KIF18A: variants seen among roughly 807,000 people sequenced by gnomAD.
The protein encoded by KIF18A is kinesin-like protein KIF18A.
A neutral mutation model predicts 103.3 loss-of-function variants in KIF18A; 67 were observed. That is an observed-to-expected ratio of 0.65 (90% CI 0.53 to 0.79). The LOEUF (loss-of-function observed/expected upper bound fraction) is 0.79, where lower values mean the gene tolerates loss of function less well. Among genes scored for constraint, KIF18A ranks in the 30% least tolerant of loss-of-function variants. KIF18A has a pLI of 0.00. For missense variants in KIF18A, 1,032 were observed against 1,062.5 expected, an observed-to-expected ratio of 0.97 and a Z score of 0.40; for synonymous variants, 367 against 355.5, an observed-to-expected ratio of 1.03 and a Z score of -0.36.
intron 14 of KIF18A, among the ~76,000 whole-genome samples, chr11:28,035,958 G>A (rs1199613383): frequency 6.6e-6 from 1 of 151,504 alleles, no homozygotes; most frequent in African/African-American, 2.4e-5. Context: ...CACCTTCAGA[G>A]TAAGAAGAAC....
rs530439078 is a variant in KIF18A at position 28,105,024 on chromosome 11, A to G, written c.-47+3040T>C. ...GGTCTAGGTATTTTTATTTCAAAACAGACAAACAACAACAACAAAACCACT... is the reference window on the plus strand; with the variant it reads ...GGTCTAGGTATTTTTATTTCAAAACGGACAAACAACAACAACAAAACCACT... On this transcript the variant is annotated intron_variant, in intron 1 of 16. Transcript: ENST00000263181. Among the ~76,000 whole-genome samples the G allele has an allele frequency of 7.9e-5, 12 of 151,996 alleles. No homozygotes were observed. The South Asian group carries it at 1.9e-3, about 24-fold the overall frequency.
chr11:28,091,681 T>C (rs1312788881), intron 3 of KIF18A, among the ~76,000 whole-genome samples, 168 bp from the exon 4 acceptor site: 1 of 152,202 alleles, frequency 6.6e-6, no homozygotes, highest in Non-Finnish European at 1.5e-5. Context: ...TAATTTTCTA[T>C]CATTCCAGAA....
At chr11:28,021,627 A>AT (rs1423215074) in intron 16 of KIF18A, among the ~76,000 whole-genome samples, 2 of 152,016 alleles carry the variant, frequency 1.3e-5, no homozygotes, top group Non-Finnish European at 2.9e-5. Context: ...TTGTATCACC[A>AT]TTTTTTCTCA....
At chr11:28,061,299 C>G (rs1320764856) in intron 12 of KIF18A, among the ~76,000 whole-genome samples, 2 of 152,066 alleles carry the variant, frequency 1.3e-5, no homozygotes, top group Non-Finnish European at 2.9e-5. Flanking sequence ...GGTTATATTG[C>G]TCATATAAGC....
intron 13 of KIF18A, among the ~76,000 whole-genome samples, chr11:28,050,357 G>A (rs1292183629): frequency 6.6e-6 from 1 of 151,752 alleles, no homozygotes. Flanking sequence ...ATTAAATTTT[G>A]TTGCCAAATG....
chr11:28,071,589 G>T (rs1205904025), intron 10 of KIF18A, among the ~76,000 whole-genome samples: 1 of 150,780 alleles, frequency 6.6e-6, no homozygotes, highest in East Asian at 1.9e-4. Context: ...TTATAAATCT[G>T]TTTTAATTTC....
At chr11:28,046,017 T>G (rs1850628127) in intron 13 of KIF18A, among the ~76,000 whole-genome samples, 1 of 151,498 alleles carries the variant, frequency 6.6e-6, no homozygotes, top group East Asian at 1.9e-4. Flanking sequence ...CCAGTTAGAA[T>G]GGCAATCATT....
At chr11:28,096,681 T>C (rs1444301402) in intron 2 of KIF18A, among the ~76,000 whole-genome samples, 2 of 152,152 alleles carry the variant, frequency 1.3e-5, no homozygotes, top group African/African-American at 4.8e-5. Context: ...CCTTACTTGA[T>C]CAAGAGGGTA....
intron 13 of KIF18A, among the ~76,000 whole-genome samples, chr11:28,044,483 T>A (rs191372634): frequency 3.7e-4 from 57 of 152,212 alleles, no homozygotes; most frequent in Middle Eastern, 6.8e-3. Flanking sequence ...CAAACATTTT[T>A]AAAATATTTA....
rs756186475 is a variant in KIF18A at position 28,069,270 on chromosome 11, G to A, written c.1579C>T (p.His527Tyr). The A allele has an allele frequency of 2.5e-6, 4 of 1,612,246 alleles. No homozygotes were observed. Among genetic ancestry groups the A allele is most frequent in the South Asian group, 1.1e-5 (1 of 90,994 alleles). The change falls in exon 11 of 17, where the codon CAT (histidine) becomes TAT (tyrosine). Residue 527 changes from histidine to tyrosine, a missense_variant. His to Tyr is a moderately conservative substitution (Grantham distance 83). Transcript: ENST00000263181. ...AGAGATATTTGTACCTTTGGAATAT[G>A]ACCGTTTTGACTTAAGAGTCCCATT... ...KEMGLLSQNG[H>Y]IPKELKKDLH...
At chr11:28,074,352 T>C (rs553822213) in intron 10 of KIF18A, among the ~76,000 whole-genome samples, 2 of 152,194 alleles carry the variant, frequency 1.3e-5, no homozygotes, top group Non-Finnish European at 1.5e-5. Context: ...TCAAAGAATA[T>C]TGGCAACAAT....
intron 1 of KIF18A, among the ~76,000 whole-genome samples, chr11:28,106,299 C>G (rs1442703109): frequency 1.3e-5 from 2 of 152,168 alleles, no homozygotes; most frequent in African/African-American, 4.8e-5. Flanking sequence ...AGTAGAGTGA[C>G]AGTTATGATA....
At chr11:28,025,423 A>T (rs1274617970) in intron 15 of KIF18A, among the ~76,000 whole-genome samples, 1 of 151,936 alleles carries the variant, frequency 6.6e-6, no homozygotes, top group Non-Finnish European at 1.5e-5. Flanking sequence ...TTGATAAAAC[A>T]TTGTTTTTTC....
chr11:28,028,842 G>A (rs1850356604), intron 15 of KIF18A, among the ~76,000 whole-genome samples: 1 of 151,888 alleles, frequency 6.6e-6, no homozygotes, highest in South Asian at 2.1e-4. Context: ...AAAGATAAAG[G>A]GGATATCACC....
Position 28,036,538 on chromosome 11 carries a change from A to AAAT in KIF18A, c.2074_2075insATT (p.Leu692delinsHisPhe). On this transcript the variant is annotated protein_altering_variant, in exon 14 of 17. Transcript: ENST00000263181. ...AAGTTCTTTGCTAAGAGAATCATTG[A>AAAT]GCTGCACACTTTGAGATGGTGGAGA... 1 of 1,611,256 alleles carries AAAT rather than the reference A, an allele frequency of 6.2e-7. No individual in the cohort carries two copies. The highest frequency in any genetic ancestry group is 8.5e-7 in the Non-Finnish European group (1 of 1,178,234).
chr11:28,105,401 C>CT (rs1228425980), intron 1 of KIF18A, among the ~76,000 whole-genome samples: 8 of 152,010 alleles, frequency 5.3e-5, no homozygotes, highest in Admixed American at 5.2e-4. Flanking sequence ...ATATTGCTTA[C>CT]TTTTTTAGAA....
intron 13 of KIF18A, among the ~76,000 whole-genome samples, chr11:28,045,892 C>T (rs1031408756): frequency 6.6e-6 from 1 of 151,648 alleles, no homozygotes; most frequent in African/African-American, 2.4e-5. Context: ...AGGACATGAA[C>T]AGACACTTCT....
chr11:28,058,645 G>C (rs1025831668), intron 13 of KIF18A, among the ~76,000 whole-genome samples: 2 of 110,602 alleles, frequency 1.8e-5, no homozygotes, highest in African/African-American at 6.8e-5. Flanking sequence ...CTGGGCAACA[G>C]GGTGAGACCC....
At chr11:28,067,110 A>G (rs1850941699) in intron 11 of KIF18A, among the ~76,000 whole-genome samples, 1 of 152,014 alleles carries the variant, frequency 6.6e-6, no homozygotes, top group Admixed American at 6.6e-5. Context: ...CAACTACTAT[A>G]TGCCAGAATT....
Sources: allele counts gnomAD v4.1 joint callset (sites outside exome capture counted in the v4.1 genomes callset), GRCh38; gene constraint gnomAD v4.1.1; transcripts MANE v1.5; gene names NCBI Gene and HGNC (gene_info 2026-07-23, HGNC 2026-07-21).